HOXD11: variants seen among roughly 807,000 people sequenced by gnomAD.
HOXD11 encodes homeobox protein Hox-D11.
HOXD11 carries 16 observed loss-of-function variants against 23.1 expected under a neutral mutation model. The ratio of observed to expected loss-of-function variants is 0.69; its 90% confidence interval spans 0.47 to 1.05. The LOEUF is 1.05. Among genes scored for constraint, HOXD11 ranks in the 50% least tolerant of loss-of-function variants. The pLI is 0.00. For synonymous variants in HOXD11, 262 were observed against 224.4 expected (o/e 1.17, Z -1.50); for missense variants, 564 against 495.6 (o/e 1.14, Z -1.31).
chr2:176,108,177 G>A, intron 1 of HOXD11, 41 bp downstream of exon 1: 2 of 803,722 alleles, frequency 2.5e-6, no homozygotes, highest in Non-Finnish European at 1.6e-6. Context: ...CCCGGGGGCC[G>A]CGGGGGAGGG....
chr2:176,107,555 G>C lies in HOXD11; in HGVS notation c.200G>C (p.Gly67Ala). 6.3e-7 allele frequency: 1 copy of C among 1,596,642 alleles called. No individual in the cohort carries two copies. The highest frequency in any genetic ancestry group is 8.5e-7 in the Non-Finnish European group (1 of 1,172,000). ...CGCGAAGTGGCCTTCCGCGACTACGGCCTGGAGCGCGCCAAGTGGCCGTAC... is the reference window on the plus strand; with the variant it reads ...CGCGAAGTGGCCTTCCGCGACTACGCCCTGGAGCGCGCCAAGTGGCCGTAC... ...PVREVAFRDY[G>A]LERAKWPYRG... is the part of the protein sequence containing the mutation. Residue 67 changes from glycine (G) to alanine (A), a missense_variant, in exon 1 of 2, where the codon GGC becomes GCC. Coordinates refer to ENST00000249504, the MANE Select transcript of HOXD11 (RefSeq NM_021192.3).
At position 176,107,863 on chromosome 2, in the gene HOXD11, C is replaced by G; in HGVS notation, c.508C>G (p.Arg170Gly). ...AASNFYSAVG[R>G]NGILPQGFDQ... ...CTCCAACTTCTACAGCGCGGTGGGC[C>G]GCAATGGCATCTTGCCACAGGGCTT... The change falls in exon 1 of 2, where the codon CGC becomes GGC. Residue 170 changes from arginine (R) to glycine (G), a missense_variant. Coordinates refer to ENST00000249504, the MANE Select transcript of HOXD11 (RefSeq NM_021192.3). The G allele has an allele frequency of 1.4e-6, 2 of 1,452,124 alleles. No individual in the cohort carries two copies. The highest frequency in any genetic ancestry group is 3.1e-5 in the East Asian group (1 of 31,854). 90.0% of individuals were successfully genotyped at this position (1,452,124 alleles called of 1,614,324 possible). A position where few individuals can be genotyped will look rare whatever the true frequency, so the allele number is the denominator to read the frequency against.
Position 176,109,189 on chromosome 2 carries a change from T to G in HOXD11, c.*47T>G. On this transcript the variant is annotated 3_prime_UTR_variant, in exon 2 of 2. Transcript: ENST00000249504. ...CCCCAGCCCCACTCACCCACCCTCC[T>G]TCCCACCAGCCTGCTCTCCGCAGGC... The G allele has an allele frequency of 8.8e-7, 1 of 1,140,172 alleles. No homozygotes were observed. The highest frequency in any genetic ancestry group is 1.3e-6 in the Non-Finnish European group (1 of 752,962). The allele number at this position is 1,140,172 out of a possible 1,614,324, so 70.6% of individuals were successfully genotyped here.
chr2:176,108,836 C>G, intron 1 of HOXD11, 71 bp from the exon 2 acceptor site: 1 of 1,080,782 alleles, frequency 9.3e-7, no homozygotes, highest in Non-Finnish European at 1.3e-6. Flanking sequence ...CGCTCAGTGG[C>G]CCGGGCGGGC....
At chr2:176,112,858 G>A (rs1689696477), downstream of HOXD11, among the ~76,000 whole-genome samples, 1 of 152,198 alleles carries the variant, frequency 6.6e-6, no homozygotes, top group South Asian at 2.1e-4. Context: ...GCCTGACAAG[G>A]GCCCGGGATC....
chr2:176,113,661 C>A (rs1689706486), downstream of HOXD11, among the ~76,000 whole-genome samples: 1 of 152,132 alleles, frequency 6.6e-6, no homozygotes, highest in South Asian at 2.1e-4. Flanking sequence ...TTCTATCTTG[C>A]TCAATTTTTT....
At chr2:176,115,515 T>A in the HOXD11 span, among the ~76,000 whole-genome samples, 2 of 152,234 alleles carry the variant, frequency 1.3e-5, no homozygotes, top group Non-Finnish European at 2.9e-5. Flanking sequence ...GATTGATTTG[T>A]TAATAAAGTA....
In HOXD11 at chr2:176,107,895, GT is replaced by G; in HGVS notation, c.542del (p.Phe181SerfsTer111). The G allele has an allele frequency of 6.9e-7, 1 of 1,447,120 alleles. No homozygotes were observed. The highest frequency in any genetic ancestry group is 9.1e-7 in the Non-Finnish European group (1 of 1,098,250). The allele number at this position is 1,447,120 out of a possible 1,614,324, so 89.6% of individuals were successfully genotyped here. On this transcript the variant is annotated frameshift_variant, in exon 1 of 2. Coordinates refer to ENST00000249504, the MANE Select transcript of HOXD11 (RefSeq NM_021192.3). LOFTEE classifies it high-confidence loss of function. The part of the protein sequence containing the change: ...NGILPQGFDQ[F>X]YEAAPGPPFA... ...GCATCTTGCCACAGGGCTTCGACCA[GT>G]TCTACGAGGCAGCGCCCGGGCCCCC... is the stretch of plus-strand genomic sequence containing the variant.
downstream of HOXD11, among the ~76,000 whole-genome samples, chr2:176,112,961 C>T (rs182450538): frequency 9.8e-5 from 15 of 152,290 alleles, no homozygotes; most frequent in East Asian, 2.9e-3. Context: ...TCCTAAGGCG[C>T]CAAGGTCTCA....
rs751596516 is a variant in HOXD11 at position 176,107,607 on chromosome 2, G to T, written c.252G>T (p.Ala84=). The part of the protein sequence containing the change: ...PYRGGGGGGS[A]GGGSSGGGPG... The stretch of plus-strand genomic sequence containing the variant: ...GCGGCGGCGGCGGCGGCGGCAGCGC[G>T]GGGGGCGGCAGCAGCGGGGGCGGCC... The change falls in exon 1 of 2, where the codon GCG becomes GCT. Residue 84 remains alanine (A), a synonymous_variant. Transcript: ENST00000249504. 2.9e-5 allele frequency: 36 copies of T among 1,248,088 alleles called. 1 individual carries two copies. Among genetic ancestry groups the T allele is most frequent in the Middle Eastern group, 4.2e-4 (2 of 4,764 alleles). 77.3% of individuals were successfully genotyped at this position (1,248,088 alleles called of 1,614,324 possible).
downstream of HOXD11, among the ~76,000 whole-genome samples, chr2:176,110,562 C>T (rs1417100746): frequency 6.6e-6 from 1 of 152,198 alleles, no homozygotes; most frequent in Non-Finnish European, 1.5e-5. Context: ...AAAAAAATTG[C>T]TAAGCCTTAT....
chr2:176,109,789 C>T (rs1400417549), downstream of HOXD11: 1 of 173,954 alleles, frequency 5.7e-6, no homozygotes, highest in Non-Finnish European at 1.2e-5. Flanking sequence ...CTCCCACCAC[C>T]TCTAGGTTAC....
In HOXD11 at chr2:176,109,201, T is replaced by G. The variant is rs543261944; in HGVS notation, c.*59T>G. On this transcript the variant is annotated 3_prime_UTR_variant, in exon 2 of 2. Transcript: ENST00000249504. The stretch of plus-strand genomic sequence containing the variant: ...TCACCCACCCTCCTTCCCACCAGCC[T>G]GCTCTCCGCAGGCCCACTGTCCTTG... 30 of 1,028,412 alleles carry G rather than the reference T, an allele frequency of 2.9e-5. 1 individual carries two copies. In the South Asian group the frequency reaches 4.0e-4, roughly 14 times the overall value. 63.7% of individuals were successfully genotyped at this position (1,028,412 alleles called of 1,614,324 possible).
chr2:176,111,819 C>T, downstream of HOXD11, among the ~76,000 whole-genome samples: 1 of 77,320 alleles, frequency 1.3e-5, no homozygotes, highest in African/African-American at 6.6e-5. Context: ...CATCCCCCTC[C>T]CCCCCGCAAA....
In HOXD11 at chr2:176,109,037, C is replaced by T. The variant is rs773675957; in HGVS notation, c.912C>T (p.Asn304=). The T allele has an allele frequency of 3.7e-6, 6 of 1,614,024 alleles. 1 individual carries two copies. In the South Asian group the frequency reaches 6.6e-5, roughly 18 times the overall value. The change falls in exon 2 of 2, where the codon AAC becomes AAT. Residue 304 remains asparagine, a synonymous_variant. Transcript: ENST00000249504. ...EKRLQLSRML[N]LTDRQVKIWF... is the part of the protein sequence containing the mutation. ...GACTTCAACTCTCTCGGATGCTCAA[C>T]CTCACTGACCGGCAAGTCAAAATCT...
Position 176,108,064 on chromosome 2 carries a change from G to A in HOXD11, c.709G>A (p.Ala237Thr). ...KATPGSEPKG[A>T]AEGSGGDGEG... ...GACCCCTGGCTCGGAGCCCAAGGGG[G>A]CAGCAGAAGGCAGCGGTGGCGACGG... Residue 237 changes from alanine to threonine, a missense_variant, in exon 1 of 2, where the codon GCA (alanine) becomes ACA (threonine). By Grantham distance (58) the Ala-to-Thr change is moderately conservative (BLOSUM62 0). Coordinates refer to ENST00000249504, the MANE Select transcript of HOXD11 (RefSeq NM_021192.3). 2 of 1,481,676 alleles carry A rather than the reference G, an allele frequency of 1.3e-6. No individual in the cohort carries two copies. Among genetic ancestry groups the A allele is most frequent in the South Asian group, 1.3e-5 (1 of 78,366 alleles). The allele number at this position is 1,481,676 out of a possible 1,614,324, so 91.8% of individuals were successfully genotyped here.
At chr2:176,111,402 A>G (rs1022414477), downstream of HOXD11, 9 of 151,858 alleles carry the variant, frequency 5.9e-5, no homozygotes, top group African/African-American at 1.9e-4. Flanking sequence ...GATCCACACG[A>G]GGGCGCGCTC....
chr2:176,107,364 C>G lies in HOXD11; in HGVS notation c.9C>G (p.Asp3Glu), dbSNP rs1689590635. The G allele has an allele frequency of 1.9e-6, 3 of 1,603,532 alleles. No individual in the cohort carries two copies. Among genetic ancestry groups the G allele is most frequent in the Non-Finnish European group, 2.6e-6 (3 of 1,175,718 alleles). Residue 3 changes from aspartate (D) to glutamate (E), a missense_variant, in exon 1 of 2, where the codon GAC becomes GAG. Physicochemically the swap from Asp to Glu is conservative, Grantham distance 45. Transcript: ENST00000249504. MN[D>E]FDECGQSAAS... Reference sequence around the variant, plus strand: ...GCGCACGCCGCGGAGTCATGAACGACTTTGACGAGTGCGGCCAGAGCGCAG... The same window carrying G: ...GCGCACGCCGCGGAGTCATGAACGAGTTTGACGAGTGCGGCCAGAGCGCAG...
chr2:176,107,468 C>G lies in HOXD11; in HGVS notation c.113C>G (p.Pro38Arg), dbSNP rs772546103. The G allele has an allele frequency of 6.2e-7, 1 of 1,613,916 alleles. No homozygotes were observed. The highest frequency in any genetic ancestry group is 1.3e-5 in the African/African-American group (1 of 74,932). Residue 38 changes from proline to arginine, a missense_variant, in exon 1 of 2, where the codon CCG (proline) becomes CGG (arginine). Transcript: ENST00000249504. The part of the protein sequence containing the change: ...FASKPSFLSQ[P>R]SSCQMTFPYS... Reference sequence around the variant, plus strand: ...AGCAAGCCTTCGTTCCTTTCCCAACCGTCGTCCTGCCAGATGACTTTCCCC... The same window carrying G: ...AGCAAGCCTTCGTTCCTTTCCCAACGGTCGTCCTGCCAGATGACTTTCCCC...
Sources: allele counts gnomAD v4.1 joint callset (sites outside exome capture counted in the v4.1 genomes callset), GRCh38; gene constraint gnomAD v4.1.1; transcripts MANE v1.5; gene names NCBI Gene and HGNC (gene_info 2026-07-23, HGNC 2026-07-21).